NAV2: variants seen among roughly 807,000 people sequenced by gnomAD.
NAV2 encodes the protein helicase, APC down-regulated 1.
A neutral mutation model predicts 223.2 loss-of-function variants in NAV2; 54 were observed. That is an observed-to-expected ratio of 0.24 (90% CI 0.19 to 0.30). The LOEUF (loss-of-function observed/expected upper bound fraction) is 0.30, where lower values mean the gene tolerates loss of function less well. Among genes scored for constraint, NAV2 ranks in the 10% least tolerant of loss-of-function variants. NAV2 has a pLI of 1.00. For missense variants in NAV2, 2,806 were observed against 3,147.5 expected, an observed-to-expected ratio of 0.89 and a Z score of 2.60; for synonymous variants, 1,279 against 1,239.3, an observed-to-expected ratio of 1.03 and a Z score of -0.67.
At chr11:19,570,134 A>G (rs556266469) in intron 1 of NAV2, among the ~76,000 whole-genome samples, 1 of 152,292 alleles carries the variant, frequency 6.6e-6, no homozygotes, top group South Asian at 2.1e-4. Flanking sequence ...ATAATGGGCA[A>G]CAGGAGGCAG....
Position 19,679,629 on chromosome 11 carries a change from C to T in NAV2, c.76-152855C>T, listed in dbSNP as rs527356706. ...CTCATTCCTACTCTTCAAGATTCAT[C>T]TCAAACATCACGTCCTTTAGGGAAC... On this transcript the variant is annotated intron_variant, in intron 1 of 37. Coordinates refer to the NAV2 transcript ENST00000360655. Among the ~76,000 whole-genome samples, 7 of 152,312 alleles carry T rather than the reference C, an allele frequency of 4.6e-5. No homozygotes were observed. In the South Asian group the frequency reaches 1.5e-3, roughly 32 times the overall value.
intron 1 of NAV2, among the ~76,000 whole-genome samples, chr11:19,550,111 G>C (rs1201011745): frequency 6.6e-6 from 1 of 152,184 alleles, no homozygotes; most frequent in Non-Finnish European, 1.5e-5. Flanking sequence ...CTGAAAATGA[G>C]ATTGTTCTAA....
chr11:19,602,833 T>C (rs1362960409), intron 1 of NAV2, among the ~76,000 whole-genome samples: 1 of 50 alleles, frequency 0.02, no homozygotes, highest in Non-Finnish European at 0.038. Context: ...GATAATCTCA[T>C]CTATACCATT....
In NAV2 at chr11:20,091,018, G is replaced by T; in HGVS notation, c.5652G>T (p.Gln1884His). 1 of 1,612,872 alleles carries T rather than the reference G, an allele frequency of 6.2e-7. No homozygotes were observed. The highest frequency in any genetic ancestry group is 8.5e-7 in the Non-Finnish European group (1 of 1,179,824). ...DQLREAMNRM[Q>H]SEIEKLKAEN... is the part of the protein sequence containing the mutation. ...TCCGGGAGGCCATGAACAGGATGCAGGTGAGAGCCCAGGAGCATGGGCTGA... is the reference window on the plus strand; with the variant it reads ...TCCGGGAGGCCATGAACAGGATGCATGTGAGAGCCCAGGAGCATGGGCTGA... Residue 1884 changes from glutamine (Q) to histidine (H), a missense_variant and splice_region_variant, in exon 27 of 38, where the codon CAG becomes CAT. Coordinates refer to ENST00000349880, the MANE Select transcript of NAV2 (RefSeq NM_145117.5).
intron 1 of NAV2, among the ~76,000 whole-genome samples, chr11:19,820,768 G>T (rs765397574): frequency 2.9e-4 from 44 of 152,154 alleles, no homozygotes; most frequent in Non-Finnish European, 5.4e-4. Context: ...TGTGACAAGG[G>T]CAGCTCTAAA....
intron 16 of NAV2, among the ~76,000 whole-genome samples, chr11:20,050,653 C>T (rs1051042223): frequency 1.4e-4 from 22 of 152,030 alleles, no homozygotes; most frequent in African/African-American, 5.1e-4. Context: ...GCCTTTAAAC[C>T]GTTGGTCTTT....
chr11:19,543,874 A>G (rs976958775), intron 1 of NAV2, among the ~76,000 whole-genome samples: 23 of 152,242 alleles, frequency 1.5e-4, no homozygotes, highest in South Asian at 8.3e-4. Context: ...TAGAGTGGCC[A>G]TGCTCTCGGT....
intron 10 of NAV2, among the ~76,000 whole-genome samples, chr11:19,956,302 G>C: frequency 6.6e-6 from 1 of 152,042 alleles, no homozygotes. Context: ...TCTACCTAGA[G>C]TTAGCCTAGA....
At chr11:19,345,741 C>T (rs1219220059), upstream of NAV2, among the ~76,000 whole-genome samples, 2 of 152,384 alleles carry the variant, frequency 1.3e-5, no homozygotes, top group East Asian at 3.9e-4. This position sits in a 1 kb window ranked among gnomAD's most constrained non-coding sequence, Gnocchi z 5.2. Flanking sequence ...CTTTCCCGGC[C>T]TCCAGCGACA....
chr11:19,980,664 G>A (rs1170177727), intron 10 of NAV2, among the ~76,000 whole-genome samples: 1 of 152,162 alleles, frequency 6.6e-6, no homozygotes, highest in Non-Finnish European at 1.5e-5. Flanking sequence ...CTTTCTTAAG[G>A]CCTTCACTTT....
At chr11:19,509,468 C>T (rs1460455701) in intron 1 of NAV2, among the ~76,000 whole-genome samples, 1 of 152,154 alleles carries the variant, frequency 6.6e-6, no homozygotes, top group Non-Finnish European at 1.5e-5. Context: ...TCTTGCTCAG[C>T]TTTTACTGCA....
intron 1 of NAV2, among the ~76,000 whole-genome samples, chr11:19,631,999 A>G (rs1333849595): frequency 2.0e-5 from 3 of 152,238 alleles, no homozygotes; most frequent in Non-Finnish European, 2.9e-5. Flanking sequence ...AGCTGTGCCA[A>G]CTGCCCACTT....
At chr11:20,050,125 G>A (rs549524395) in intron 16 of NAV2, among the ~76,000 whole-genome samples, 3 of 152,246 alleles carry the variant, frequency 2.0e-5, no homozygotes, top group Non-Finnish European at 2.9e-5. Context: ...TCCCATTTTG[G>A]GAAGGCGACC....
chr11:19,877,487 T>TTTC (rs2062923369), intron 4 of NAV2, among the ~76,000 whole-genome samples: 1 of 143,532 alleles, frequency 7.0e-6, no homozygotes. Context: ...TTTTTTTTTT[T>TTTC]TTTGAGACAG....
At chr11:19,391,575 T>A (rs1198680063) in intron 1 of NAV2, among the ~76,000 whole-genome samples, 1 of 152,130 alleles carries the variant, frequency 6.6e-6, no homozygotes, top group African/African-American at 2.4e-5. Context: ...TGTGTCCCTG[T>A]AAGTAGCAGG....
chr11:19,680,688 G>A (rs1401937668), intron 1 of NAV2, among the ~76,000 whole-genome samples: 1 of 152,144 alleles, frequency 6.6e-6, no homozygotes. Context: ...TGCAAAATGG[G>A]GATAATAATG....
chr11:20,045,296 T>C lies in NAV2; in HGVS notation c.3528T>C (p.Asp1176=), dbSNP rs138825841. 1 of 1,614,074 alleles carries C rather than the reference T, an allele frequency of 6.2e-7. No individual in the cohort carries two copies. Among genetic ancestry groups the C allele is most frequent in the African/African-American group, 1.3e-5 (1 of 74,928 alleles). The part of the protein sequence containing the change: ...KSSMDGAQNQ[D]DGYLALSSRT... Reference sequence around the variant, plus strand: ...GTATGGATGGGGCTCAGAATCAGGATGACGGGTATCTAGCCCTAAGCTCCC... The same window carrying C: ...GTATGGATGGGGCTCAGAATCAGGACGACGGGTATCTAGCCCTAAGCTCCC... The change falls in exon 14 of 38, where the codon GAT becomes GAC. Residue 1176 remains aspartate (D), a synonymous_variant. Transcript: ENST00000349880.
At chr11:19,371,510 A>C (rs544891783) in intron 1 of NAV2, among the ~76,000 whole-genome samples, 2 of 152,338 alleles carry the variant, frequency 1.3e-5, no homozygotes, top group Admixed American at 1.3e-4. Flanking sequence ...GTACTTACTG[A>C]GTGCTTACCA....
At chr11:19,842,990 C>A in intron 3 of NAV2, 67 bp downstream of exon 3, 1 of 1,352,238 alleles carries the variant, frequency 7.4e-7, no homozygotes, top group Non-Finnish European at 1.1e-6. Flanking sequence ...GTGATATTGA[C>A]CATCTTGAAA....
Sources: gnomAD v4.1 joint callset for allele counts (sites outside exome capture counted in the v4.1 genomes callset) on GRCh38, gnomAD v4.1.1 for gene constraint, Gnocchi (gnomAD v3.1) non-coding constraint, MANE v1.5 for transcripts, NCBI Gene and HGNC (gene_info 2026-07-23, HGNC 2026-07-21) for gene names.